Variants in GLS2 observed in about 807,000 individuals in gnomAD.
The protein encoded by GLS2 is glutaminase 2, also known as glutaminase liver isoform, mitochondrial.
Under a neutral mutation model 79.0 loss-of-function variants are expected in GLS2, and 52 were observed. The observed-to-expected ratio is 0.66, with a 90% CI of 0.53 to 0.83. The LOEUF (loss-of-function observed/expected upper bound fraction) is 0.83. GLS2 is among the 40% of genes least tolerant of loss of function. The pLI is 0.00. For missense variants in GLS2, 561 were observed against 764.8 expected (o/e 0.73, Z 3.14); for synonymous variants, 238 against 280.8 (o/e 0.85, Z 1.52).
chr12:56,479,905 T>A lies in GLS2; in HGVS notation c.283-4A>T. The stretch of plus-strand genomic sequence containing the variant: ...GCAGTCCAGTGGCCTTTAGTGCCTT[T>A]AGAGGAAAGAAGAGGCCAGAAAGGT... On this transcript the variant is annotated splice_polypyrimidine_tract_variant and splice_region_variant and intron_variant, in intron 2 of 17. Coordinates refer to ENST00000311966, the MANE Select transcript of GLS2 (RefSeq NM_013267.4). 2 of 1,612,478 alleles carry A rather than the reference T, an allele frequency of 1.2e-6. No homozygotes were observed. Among genetic ancestry groups the A allele is most frequent in the Non-Finnish European group, 1.7e-6 (2 of 1,179,458 alleles).
At chr12:56,487,735 AACGCACTCCTAGGCAG>A in intron 1 of GLS2, 186 bp downstream of exon 1, 1 of 630,006 alleles carries the variant, frequency 1.6e-6, no homozygotes, top group Non-Finnish European at 2.6e-6. Context: ...CGCTTGCCCG[AACGCACTCCTAGGCAG>A]ACGGCAGATT....
intron 1 of GLS2, among the ~76,000 whole-genome samples, chr12:56,482,348 T>C (rs1405513685): frequency 1.3e-5 from 2 of 152,220 alleles, no homozygotes. Flanking sequence ...GGCCAGGAAC[T>C]GTGAGGCTTC....
chr12:56,476,087 A>G (rs2136184814), intron 7 of GLS2, 110 bp from the exon 8 acceptor site: 1 of 1,025,796 alleles, frequency 9.7e-7, no homozygotes, highest in East Asian at 2.4e-5. Flanking sequence ...GCTGCTGCAA[A>G]TGTGTTCAAT....
intron 10 of GLS2, 47 bp downstream of exon 10, chr12:56,474,997 A>G: frequency 1.9e-6 from 3 of 1,613,916 alleles, no homozygotes; most frequent in Non-Finnish European, 2.5e-6. Context: ...CCCTTCCACT[A>G]GCAGCAGAAT....
At chr12:56,474,821 T>A in intron 11 of GLS2, 25 bp downstream of exon 11, 1 of 1,613,718 alleles carries the variant, frequency 6.2e-7, no homozygotes, top group South Asian at 1.1e-5. Flanking sequence ...TCCTGTTCCC[T>A]CGGCCCTGAG....
At chr12:56,477,412 C>G in intron 7 of GLS2, 1 of 371,858 alleles carries the variant, frequency 2.7e-6, no homozygotes, top group Non-Finnish European at 4.9e-6. Flanking sequence ...TCAGAAAGCT[C>G]TAGGCTCTAG....
intron 1 of GLS2, among the ~76,000 whole-genome samples, chr12:56,487,161 G>A (rs1380889585): frequency 1.3e-5 from 2 of 152,186 alleles, no homozygotes; most frequent in Non-Finnish European, 2.9e-5. Context: ...TTCCTGCTCA[G>A]CACCGTCTGG....
At position 56,479,142 on chromosome 12, in the gene GLS2, G is replaced by T; in HGVS notation, c.444C>A (p.Phe148Leu). The T allele has an allele frequency of 6.2e-7, 1 of 1,613,966 alleles. No homozygotes were observed. The highest frequency in any genetic ancestry group is 8.5e-7 in the Non-Finnish European group (1 of 1,180,010). ...AATCAGGAATGACAAACTTCTTTCG[G>T]AATGCCTGGGTCAGGAGCACAATGT... is the stretch of plus-strand genomic sequence containing the variant. ...SSNIVLLTQA[F>L]RKKFVIPDFE... The change falls in exon 4 of 18, where the codon TTC becomes TTA. Residue 148 changes from phenylalanine (F) to leucine (L), a missense_variant. Transcript: ENST00000311966.
chr12:56,478,192 T>C lies in GLS2; in HGVS notation c.605A>G (p.Asp202Gly), dbSNP rs956550605. The C allele has an allele frequency of 1.2e-6, 2 of 1,614,074 alleles. No homozygotes were observed. Among genetic ancestry groups the C allele is most frequent in the Non-Finnish European group, 1.7e-6 (2 of 1,180,012 alleles). ...DLWGVSLCTV[D>G]GQRHSVGHTK... is the part of the protein sequence containing the mutation. Reference sequence around the variant, plus strand: ...TTGCCCAGCATCTCACCGTTGACCATCCACAGTGCACAGGGAGACACCCCA... The same window carrying C: ...TTGCCCAGCATCTCACCGTTGACCACCCACAGTGCACAGGGAGACACCCCA... Residue 202 changes from aspartate to glycine, a missense_variant, in exon 5 of 18, where the codon GAT (aspartate) becomes GGT (glycine). Asp to Gly is a moderately conservative substitution (Grantham distance 94). Around this residue, in one of 4 missense-constraint regions of GLS2, gnomAD observed 221 missense variants for 275.6 expected, o/e 0.80. Coordinates refer to ENST00000311966, the MANE Select transcript of GLS2 (RefSeq NM_013267.4).
intron 12 of GLS2, chr12:56,474,086 CTTTT>C: frequency 7.1e-6 from 1 of 140,020 alleles, no homozygotes; most frequent in African/African-American, 2.9e-5. Flanking sequence ...GGTTGTTTTT[CTTTT>C]TCTTTTTTTC....
intron 1 of GLS2, among the ~76,000 whole-genome samples, chr12:56,483,008 A>C (rs1219138394): frequency 2.0e-5 from 3 of 152,182 alleles, no homozygotes; most frequent in Admixed American, 2.0e-4. Context: ...TTCTACAGGT[A>C]TACTCACACA....
chr12:56,485,879 T>C (rs535361735), intron 1 of GLS2, among the ~76,000 whole-genome samples: 1 of 151,692 alleles, frequency 6.6e-6, no homozygotes, highest in Admixed American at 6.6e-5. Flanking sequence ...CCATCTCTAT[T>C]AAAAATACAA....
chr12:56,474,807 T>A, intron 11 of GLS2, 39 bp downstream of exon 11: 1 of 1,612,510 alleles, frequency 6.2e-7, no homozygotes, highest in Non-Finnish European at 8.5e-7. Context: ...GCAAGGACAG[T>A]CTGTCCTGTT....
chr12:56,479,103 C>A lies in GLS2; in HGVS notation c.483G>T (p.Thr161=). The change falls in exon 4 of 18, where the codon ACG becomes ACT. Residue 161 remains threonine, a synonymous_variant. Transcript: ENST00000311966. The part of the protein sequence containing the change: ...KFVIPDFEEF[T]GHVDRIFEDV... ...CCTCAAAGATGCGATCCACATGGCC[C>A]GTGAACTCCTCAAAATCAGGAATGA... 6.2e-7 allele frequency: 1 copy of A among 1,614,000 alleles called. No homozygotes were observed. Among genetic ancestry groups the A allele is most frequent in the Non-Finnish European group, 8.5e-7 (1 of 1,180,014 alleles).
intron 1 of GLS2, among the ~76,000 whole-genome samples, chr12:56,481,752 A>G (rs907325387): frequency 1.3e-5 from 2 of 150,636 alleles, no homozygotes; most frequent in Non-Finnish European, 2.9e-5. Context: ...TTAACCGGGC[A>G]TAGTGGCATC....
chr12:56,482,338 G>T (rs545671145), intron 1 of GLS2, among the ~76,000 whole-genome samples: 5 of 152,022 alleles, frequency 3.3e-5, no homozygotes, highest in Non-Finnish European at 7.4e-5. Context: ...CCCCAAAATG[G>T]GCCAGGAACT....
In GLS2 at chr12:56,472,682, A is replaced by C; in HGVS notation, c.1511+8T>G. On this transcript the variant is annotated splice_region_variant and intron_variant, in intron 15 of 17. Coordinates refer to ENST00000311966, the MANE Select transcript of GLS2 (RefSeq NM_013267.4). The stretch of plus-strand genomic sequence containing the variant: ...TTTATTGTGTATATTTGGTCACAGT[A>C]GCATTACCTTCGAAGAGCTGAGACA... 6.2e-7 allele frequency: 1 copy of C among 1,612,952 alleles called. No individual in the cohort carries two copies. The highest frequency in any genetic ancestry group is 8.5e-7 in the Non-Finnish European group (1 of 1,179,050).
rs758972276 is a variant in GLS2 at position 56,474,544 on chromosome 12, G to A, written c.1224C>T (p.His408=). ...MYDFSGQFAF[H]VGLPAKSAVS... is the part of the protein sequence containing the mutation. ...ATGGATAGCAGAGCCAGAAACTCAC[G>A]TGGAAGGCAAACTGGCCAGAGAAGT... The change falls in exon 12 of 18, where the codon CAC becomes CAT. Residue 408 remains histidine (H), a splice_region_variant and synonymous_variant. Coordinates refer to ENST00000311966, the MANE Select transcript of GLS2 (RefSeq NM_013267.4). 9 of 1,613,694 alleles carry A rather than the reference G, an allele frequency of 5.6e-6. No homozygotes were observed. Among genetic ancestry groups the A allele is most frequent in the Admixed American group, 5.0e-5 (3 of 60,014 alleles).
At position 56,477,703 on chromosome 12, in the gene GLS2, G is replaced by A; in HGVS notation, c.794C>T (p.Pro265Leu). 6.2e-7 allele frequency: 1 copy of A among 1,613,252 alleles called. No homozygotes were observed. The highest frequency in any genetic ancestry group is 1.1e-5 in the South Asian group (1 of 90,960). The change falls in exon 7 of 18, where the codon CCC becomes CTC. Residue 265 changes from proline to leucine, a missense_variant. Coordinates refer to ENST00000311966, the MANE Select transcript of GLS2 (RefSeq NM_013267.4). ...SLNEEGIPHN[P>L]MVNAGAIVVS... ...AACAATGGCACCAGCATTGACCATG[G>A]GGTTATGGGGGATTCCTGGGGAAAT...
Sources: gnomAD v4.1 joint callset for allele counts (sites outside exome capture counted in the v4.1 genomes callset) on GRCh38, gnomAD v4.1.1 for gene constraint, gnomAD v4.1.1 regional missense constraint, MANE v1.5 for transcripts, NCBI Gene and HGNC (gene_info 2026-07-23, HGNC 2026-07-21) for gene names.